The following IQSEC3 variants were observed in gnomAD, a reference collection of about 807,000 sequenced individuals.
IQSEC3 encodes IQ motif and Sec7 domain ArfGEF 3, also known as IQ motif and SEC7 domain-containing protein 3.
IQSEC3 carries 50 observed loss-of-function variants against 105.4 expected under a neutral mutation model. That is an observed-to-expected ratio of 0.47 (90% CI 0.38 to 0.60). The LOEUF (loss-of-function observed/expected upper bound fraction) is 0.60. Among genes scored for constraint, IQSEC3 ranks in the 20% least tolerant of loss-of-function variants. IQSEC3 has a pLI of 0.00. For synonymous variants in IQSEC3, 708 were observed against 746.0 expected (o/e 0.95, Z 0.83); for missense variants, 1,415 against 1,630.0 (o/e 0.87, Z 2.27).
In IQSEC3 at chr12:174,735, C is replaced by T; in HGVS notation, c.3251C>T (p.Pro1084Leu). The T allele has an allele frequency of 6.3e-7, 1 of 1,593,076 alleles. No homozygotes were observed. Among genetic ancestry groups the T allele is most frequent in the Non-Finnish European group, 8.5e-7 (1 of 1,177,924 alleles). ...ACCCCACCACTGCCGCCGCCGCCAC[C>T]CACGCCCCCGGGCACCCTGGTGCAG... ...QQTPPLPPPP[P>L]TPPGTLVQCQ... Residue 1084 changes from proline (P) to leucine (L), a missense_variant, in exon 14 of 14, where the codon CCC (proline) becomes CTC (leucine). Pro to Leu is a moderately conservative substitution (Grantham distance 98). Coordinates refer to ENST00000538872, the MANE Select transcript of IQSEC3 (RefSeq NM_001170738.2).
intron 1 of IQSEC3, among the ~76,000 whole-genome samples, chr12:86,245 A>C (rs1368710465): frequency 2.0e-5 from 3 of 152,170 alleles, no homozygotes; most frequent in Non-Finnish European, 4.4e-5. Flanking sequence ...AAACAAGGGA[A>C]GGCTTTGTGG....
intron 1 of IQSEC3, among the ~76,000 whole-genome samples, chr12:98,875 A>G (rs1555075342): frequency 6.6e-6 from 1 of 152,184 alleles, no homozygotes; most frequent in South Asian, 2.1e-4. Context: ...CAGAAGTAGG[A>G]AGGGTGAGTT....
intron 1 of IQSEC3, among the ~76,000 whole-genome samples, chr12:71,140 C>T (rs148490154): frequency 1.1e-3 from 175 of 152,362 alleles, no homozygotes; most frequent in Non-Finnish European, 1.8e-3. Context: ...CTGGGGATAG[C>T]TAGAAGAGTT....
At chr12:156,890 A>G (rs1480209772) in intron 5 of IQSEC3, 135 bp from the exon 6 acceptor site, 1 of 1,134,246 alleles carries the variant, frequency 8.8e-7, no homozygotes, top group Admixed American at 3.8e-5. Flanking sequence ...TTGGGGCATT[A>G]AAGGGCGACC....
At chr12:157,266 C>T in intron 6 of IQSEC3, 119 bp downstream of exon 6, 2 of 1,360,892 alleles carry the variant, frequency 1.5e-6, no homozygotes, top group Non-Finnish European at 2.0e-6. Flanking sequence ...CAGAAACACC[C>T]CTTCTGGTGT....
At chr12:83,289 G>C (rs1413241199) in intron 1 of IQSEC3, among the ~76,000 whole-genome samples, 2 of 152,180 alleles carry the variant, frequency 1.3e-5, no homozygotes, top group East Asian at 1.9e-4. Flanking sequence ...CAGGGGCACA[G>C]GGATTCGCGG....
At chr12:129,243 C>A (rs894557827) in intron 3 of IQSEC3, among the ~76,000 whole-genome samples, 2 of 152,206 alleles carry the variant, frequency 1.3e-5, no homozygotes, top group Admixed American at 1.3e-4. Flanking sequence ...TGCTGCATAG[C>A]CCACGTGAAG....
intron 9 of IQSEC3, among the ~76,000 whole-genome samples, chr12:164,497 C>G (rs1565448392): frequency 1.3e-5 from 2 of 152,200 alleles, no homozygotes; most frequent in African/African-American, 4.8e-5. Flanking sequence ...CTCCTTCTTG[C>G]AAAGCTCCTC....
intron 1 of IQSEC3, among the ~76,000 whole-genome samples, chr12:76,507 C>T (rs1271565470): frequency 6.6e-6 from 1 of 152,280 alleles, no homozygotes; most frequent in Non-Finnish European, 1.5e-5. Flanking sequence ...CTCCCAATGA[C>T]CCCTGGCCTG....
rs1865922459 is a variant in IQSEC3, at chr12:139,349, C to T, written c.1986C>T (p.Phe662=). ...KRLYRIGLNL[F]NINPDKGIQF... is the part of the protein sequence containing the mutation. The stretch of plus-strand genomic sequence containing the variant: ...TCTACCGCATCGGCCTCAACCTCTT[C>T]AACATGTAAGTCAGCCCCGGCCCCC... Residue 662 remains phenylalanine, a synonymous_variant, in exon 4 of 14, where the codon TTC becomes TTT. Transcript: ENST00000538872. The T allele has an allele frequency of 1.3e-6, 2 of 1,561,456 alleles. No homozygotes were observed. Among genetic ancestry groups the T allele is most frequent in the Non-Finnish European group, 8.7e-7 (1 of 1,152,210 alleles).
chr12:177,756 C>A lies in IQSEC3; in HGVS notation c.*2723C>A, dbSNP rs1202290190. On this transcript the variant is annotated 3_prime_UTR_variant, in exon 14 of 14. Coordinates refer to ENST00000538872, the MANE Select transcript of IQSEC3 (RefSeq NM_001170738.2). The surrounding 1 kb of genome is among the most constrained non-coding windows in gnomAD (Gnocchi z 5.3). ...TGGGACCCCTCTCCATCCCTGTCCC[C>A]AGAGCCTAGACCTCAGGGACCTAGG... 6.6e-6 allele frequency: 1 copy of A among 152,394 alleles called. No homozygotes were observed. Among genetic ancestry groups the A allele is most frequent in the East Asian group, 1.9e-4 (1 of 5,192 alleles). The allele number at this position is 152,394 out of a possible 1,614,324, so 9.4% of individuals were successfully genotyped here. A position where few individuals can be genotyped will look rare whatever the true frequency, so the allele number is the denominator to read the frequency against.
At chr12:68,921 C>G (rs1259339004) in intron 1 of IQSEC3, among the ~76,000 whole-genome samples, 6 of 152,158 alleles carry the variant, frequency 3.9e-5, no homozygotes, top group African/African-American at 1.5e-4. Flanking sequence ...CAAGAAGATA[C>G]AGTTTTCTAC....
intron 1 of IQSEC3, among the ~76,000 whole-genome samples, chr12:93,402 G>A (rs538221358): frequency 5.5e-4 from 84 of 152,340 alleles, no homozygotes; most frequent in African/African-American, 1.9e-3. Context: ...GCCACCAAGA[G>A]ATCCCGTCCC....
Position 136,012 on chromosome 12 carries a change from A to C in IQSEC3, c.904-2255A>C, listed in dbSNP as rs183163723. Among the ~76,000 whole-genome samples, 9 of 152,368 alleles carry C rather than the reference A, an allele frequency of 5.9e-5. No homozygotes were observed. The East Asian group carries it at 1.7e-3, about 29-fold the overall frequency. ...CTGGATTTGTGGTCATGTGTTACACAGCAATAGATGAGGAATACACTTGGT... is the reference window on the plus strand; with the variant it reads ...CTGGATTTGTGGTCATGTGTTACACCGCAATAGATGAGGAATACACTTGGT... On this transcript the variant is annotated intron_variant, in intron 3 of 13. Transcript: ENST00000538872.
chr12:111,739 A>C (rs1392095290), intron 2 of IQSEC3: 1 of 152,238 alleles, frequency 6.6e-6, no homozygotes, highest in African/African-American at 2.4e-5. Flanking sequence ...ACACCTGGAC[A>C]GAGTGGGCCA....
At chr12:140,286 A>G (rs191588785) in intron 4 of IQSEC3, 5 of 152,296 alleles carry the variant, frequency 3.3e-5, no homozygotes, top group Non-Finnish European at 5.9e-5. Flanking sequence ...ACACAGAGGT[A>G]TTACCATGCT....
intron 13 of IQSEC3, among the ~76,000 whole-genome samples, chr12:171,750 C>T (rs539071616): frequency 2.6e-5 from 4 of 152,278 alleles, no homozygotes; most frequent in East Asian, 1.9e-4. Flanking sequence ...CTGGCCATGG[C>T]GCAGGGATGT....
intron 5 of IQSEC3, among the ~76,000 whole-genome samples, chr12:145,063 C>A (rs1866204895): frequency 6.6e-6 from 1 of 152,316 alleles, no homozygotes; most frequent in Middle Eastern, 3.4e-3. Flanking sequence ...AAACTCCTGG[C>A]CTCACACAGT....
intron 1 of IQSEC3, among the ~76,000 whole-genome samples, chr12:93,604 C>T (rs1030441812): frequency 4.6e-5 from 7 of 152,200 alleles, no homozygotes; most frequent in South Asian, 2.1e-4. Context: ...CCTCTGCCCA[C>T]GGTCTCAGTA....
Sources: allele counts gnomAD v4.1 joint callset (sites outside exome capture counted in the v4.1 genomes callset), GRCh38; gene constraint gnomAD v4.1.1; non-coding constraint Gnocchi (gnomAD v3.1); transcripts MANE v1.5; gene names NCBI Gene and HGNC (gene_info 2026-07-23, HGNC 2026-07-21).